The following LMF1 variants were observed in gnomAD, a reference collection of about 807,000 sequenced individuals.
LMF1 encodes lipase maturation factor 1.
Under a neutral mutation model 60.6 loss-of-function variants are expected in LMF1, and 68 were observed. That is an observed-to-expected ratio of 1.12 (90% CI 0.92 to 1.37). The LOEUF is 1.37. LMF1 is among the 40% of genes most tolerant of loss of function. The pLI, the probability that LMF1 is intolerant of heterozygous loss-of-function variation, is 0.00. For synonymous variants in LMF1, 418 were observed against 324.7 expected (o/e 1.29, Z -3.09); for missense variants, 948 against 767.2 (o/e 1.24, Z -2.78).
At chr16:958,844 G>A (rs1165714050) in intron 1 of LMF1, among the ~76,000 whole-genome samples, 4 of 151,884 alleles carry the variant, frequency 2.6e-5, no homozygotes, top group Admixed American at 1.3e-4. Context: ...CCGACACAGC[G>A]CCACTGCACT....
rs1249106832 is a variant in LMF1 at position 853,750 on chromosome 16, G to T, written c.*782C>A. 1 of 454,178 alleles carries T rather than the reference G, an allele frequency of 2.2e-6. No homozygotes were observed. Among genetic ancestry groups the T allele is most frequent in the Admixed American group, 2.3e-5 (1 of 42,582 alleles). 28.1% of individuals were successfully genotyped at this position (454,178 alleles called of 1,614,324 possible). ...TAGACGCTGTTTGTCCGACGATGAT[G>T]AAAGTGTGCACGGCCGGCTGTCCTC... On this transcript the variant is annotated 3_prime_UTR_variant, in exon 11 of 11. Coordinates refer to ENST00000262301, the MANE Select transcript of LMF1 (RefSeq NM_022773.4).
At chr16:981,550 G>C, upstream of LMF1, 1 of 160,596 alleles carries the variant, frequency 6.2e-6, no homozygotes, top group Non-Finnish European at 1.4e-5. Flanking sequence ...GCTCCAGAGA[G>C]GGGAGCTCCA....
intron 5 of LMF1, among the ~76,000 whole-genome samples, chr16:892,641 G>A (rs1018637036): frequency 7.9e-5 from 12 of 152,248 alleles, no homozygotes; most frequent in East Asian, 3.8e-4. Context: ...GGCTGGGCAC[G>A]CAGCCAGGAA....
At chr16:918,479 C>G (rs149011660) in intron 3 of LMF1, among the ~76,000 whole-genome samples, 2 of 152,362 alleles carry the variant, frequency 1.3e-5, no homozygotes, top group African/African-American at 4.8e-5. Context: ...TTAATGTGTT[C>G]CAAGTATTTC....
chr16:885,142 G>T (rs1186195329), intron 5 of LMF1: 1 of 152,222 alleles, frequency 6.6e-6, no homozygotes. Flanking sequence ...AATTCTTTCA[G>T]CATTTATGAG....
intron 10 of LMF1, among the ~76,000 whole-genome samples, chr16:857,280 A>G (rs1482419409): frequency 1.3e-5 from 2 of 152,242 alleles, no homozygotes; most frequent in Non-Finnish European, 2.9e-5. Context: ...CGTCCATGGA[A>G]GCAGCTGCTG....
chr16:979,351 C>T (rs1280211028), intron 1 of LMF1: 3 of 353,586 alleles, frequency 8.5e-6, no homozygotes, highest in Middle Eastern at 1.0e-3. Context: ...TGCACCAACA[C>T]GTCCTCAGCT....
intron 4 of LMF1, among the ~76,000 whole-genome samples, chr16:898,623 C>G (rs907867938): frequency 6.6e-6 from 1 of 152,174 alleles, no homozygotes; most frequent in Non-Finnish European, 1.5e-5. Flanking sequence ...ACCATGAAGA[C>G]CCCAAGAATC....
upstream of LMF1, among the ~76,000 whole-genome samples, chr16:972,031 C>A (rs548932595): frequency 6.6e-6 from 1 of 152,038 alleles, no homozygotes; most frequent in Non-Finnish European, 1.5e-5. Context: ...GTCAAATGAC[C>A]CGTCTTTATT....
chr16:971,184 CCTT>C (rs2073045797), upstream of LMF1, among the ~76,000 whole-genome samples: 10 of 152,344 alleles, frequency 6.6e-5, no homozygotes, highest in Middle Eastern at 0.021. Flanking sequence ...GAGCCTGCCT[CCTT>C]CGCAGTTCTC....
chr16:868,775 G>GT lies in LMF1; in HGVS notation c.1529+168_1529+169insA, dbSNP rs1567149995. On this transcript the variant is annotated intron_variant, in intron 10 of 10. Coordinates refer to ENST00000262301, the MANE Select transcript of LMF1 (RefSeq NM_022773.4). ...GCCTTGATGCCAAGGCTGATGTGGG[G>GT]CGGGGGGGGGGGGCCCTTTTTGCTC... Among the ~76,000 whole-genome samples the GT allele has an allele frequency of 1.4e-3, 203 of 146,382 alleles. 3 individuals are homozygous for GT. The South Asian group carries it at 0.017, about 12-fold the overall frequency.
At chr16:887,758 G>A (rs1237747836) in intron 5 of LMF1, among the ~76,000 whole-genome samples, 1 of 152,170 alleles carries the variant, frequency 6.6e-6, no homozygotes, top group Admixed American at 6.5e-5. Context: ...CATGGCCGTG[G>A]CCTGGGCCCG....
chr16:873,419 T>C (rs532891995), intron 6 of LMF1: 2 of 152,332 alleles, frequency 1.3e-5, no homozygotes, highest in Admixed American at 6.5e-5. Flanking sequence ...GAAGAGGAGC[T>C]TGAGGTGATG....
Position 970,923 on chromosome 16 carries a change from T to TC in LMF1, c.57dup (p.Thr20AspfsTer9). On this transcript the variant is annotated frameshift_variant, in exon 1 of 11. Transcript: ENST00000262301. LOFTEE classifies it high-confidence loss of function. ...TCAGGCTCCGGATCCGAGTACCCAG[T>TC]CTTCCGCCTCCTCAGCGACTCCGCG... 6.4e-7 allele frequency: 1 copy of TC among 1,572,020 alleles called. No homozygotes were observed. Among genetic ancestry groups the TC allele is most frequent in the Non-Finnish European group, 8.6e-7 (1 of 1,157,202 alleles).
chr16:954,837 G>A (rs899549811), intron 1 of LMF1, among the ~76,000 whole-genome samples, 171 bp from the exon 2 acceptor site: 3 of 152,246 alleles, frequency 2.0e-5, no homozygotes, highest in South Asian at 2.1e-4. Flanking sequence ...TCAAGATTTT[G>A]GGGGAAACAC....
Position 854,714 on chromosome 16 carries a change from G to A in LMF1, c.1530-8C>T. On this transcript the variant is annotated splice_polypyrimidine_tract_variant and splice_region_variant and intron_variant, in intron 10 of 10. Transcript: ENST00000262301. ...TGCTCTCCTCGGACCCACCTGCAAG[G>A]GGGCACATGTCAGCCCAGGGCCTGC... 6.3e-7 allele frequency: 1 copy of A among 1,579,796 alleles called. No homozygotes were observed.
intron 6 of LMF1, among the ~76,000 whole-genome samples, chr16:877,550 C>G (rs1270341648): frequency 6.6e-6 from 1 of 152,186 alleles, no homozygotes; most frequent in Non-Finnish European, 1.5e-5. Flanking sequence ...GACGAAACAA[C>G]AAGTCATCTC....
chr16:958,962 C>T (rs562302921), intron 1 of LMF1, among the ~76,000 whole-genome samples: 2 of 152,180 alleles, frequency 1.3e-5, no homozygotes, highest in South Asian at 4.1e-4. Context: ...TTCGGGACAG[C>T]AGGAGTGCCC....
At chr16:956,944 C>T (rs562710000) in intron 1 of LMF1, among the ~76,000 whole-genome samples, 12 of 152,038 alleles carry the variant, frequency 7.9e-5, no homozygotes, top group African/African-American at 2.9e-4. Context: ...CACCTGAGGT[C>T]AGGAGTTTGG....
Sources: allele counts gnomAD v4.1 joint callset (sites outside exome capture counted in the v4.1 genomes callset), GRCh38; gene constraint gnomAD v4.1.1; transcripts MANE v1.5; gene names NCBI Gene and HGNC (gene_info 2026-07-23, HGNC 2026-07-21).